Variants in VSTM2L observed in about 807,000 individuals in gnomAD.
VSTM2L encodes the protein V-set and transmembrane domain-containing protein 2-like protein.
Under a neutral mutation model 19.9 loss-of-function variants are expected in VSTM2L, and 9 were observed. That is an observed-to-expected ratio of 0.45 (90% confidence interval 0.27 to 0.79). VSTM2L has a LOEUF of 0.79. VSTM2L is among the 30% of genes least tolerant of loss of function. VSTM2L has a pLI of 0.15. For missense variants in VSTM2L, 286 were observed against 295.5 expected (o/e 0.97, Z 0.24); for synonymous variants, 127 against 133.8 (o/e 0.95, Z 0.35).
intron 3 of VSTM2L, among the ~76,000 whole-genome samples, chr20:37,942,282 G>A (rs535277322): frequency 2.6e-4 from 39 of 152,136 alleles, no homozygotes; most frequent in Non-Finnish European, 5.0e-4. Context: ...AGGAGTTCGG[G>A]ACCAGCCTGG....
rs926491788 is a variant in VSTM2L, at chr20:37,913,150, G to A, written c.121+9679G>A. Among the ~76,000 whole-genome samples, 33 of 152,162 alleles carry A rather than the reference G, an allele frequency of 2.2e-4. 1 individual carries two copies. Among genetic ancestry groups the A allele is most frequent in the African/African-American group, 7.7e-4 (32 of 41,436 alleles). The stretch of plus-strand genomic sequence containing the variant: ...GAGTGAGTGACCAAATGGCAAAGCT[G>A]GAGGGGACACTGACGCTTGTCTACA... On this transcript the variant is annotated intron_variant, in intron 1 of 3. Coordinates refer to ENST00000373461, the MANE Select transcript of VSTM2L (RefSeq NM_080607.3).
At chr20:37,904,595 C>G (rs1397549614) in intron 1 of VSTM2L, among the ~76,000 whole-genome samples, 1 of 152,230 alleles carries the variant, frequency 6.6e-6, no homozygotes, top group Non-Finnish European at 1.5e-5. Context: ...TTCCATGCAG[C>G]CCTTCACTAG....
In VSTM2L at chr20:37,944,264, C is replaced by T; in HGVS notation, c.*11C>T. Reference sequence around the variant, plus strand: ...GCCTGCAGCCTCTAGACTGATGCCCCTGCCCCCGCCCATCCGCCCCCACGC... The same window carrying T: ...GCCTGCAGCCTCTAGACTGATGCCCTTGCCCCCGCCCATCCGCCCCCACGC... On this transcript the variant is annotated 3_prime_UTR_variant, in exon 4 of 4. Transcript: ENST00000373461. 2 of 1,476,164 alleles carry T rather than the reference C, an allele frequency of 1.4e-6. No individual in the cohort carries two copies. Among genetic ancestry groups the T allele is most frequent in the Non-Finnish European group, 1.8e-6 (2 of 1,106,150 alleles). The allele number at this position is 1,476,164 out of a possible 1,614,324, so 91.4% of individuals were successfully genotyped here.
At chr20:37,907,851 C>A (rs1228297709) in intron 1 of VSTM2L, among the ~76,000 whole-genome samples, 1 of 152,176 alleles carries the variant, frequency 6.6e-6, no homozygotes, top group African/African-American at 2.4e-5. Context: ...GGGCACCGGG[C>A]CATTTGGCAA....
At chr20:37,911,612 C>T (rs556196505) in intron 1 of VSTM2L, among the ~76,000 whole-genome samples, 3 of 152,268 alleles carry the variant, frequency 2.0e-5, no homozygotes, top group East Asian at 3.9e-4. Flanking sequence ...TGTGTTGAGG[C>T]GTGGGGGACA....
At position 37,944,599 on chromosome 20, in the gene VSTM2L, C is replaced by T; in HGVS notation, c.*346C>T. On this transcript the variant is annotated 3_prime_UTR_variant, in exon 4 of 4. Coordinates refer to ENST00000373461, the MANE Select transcript of VSTM2L (RefSeq NM_080607.3). ...CAGTGTTTTGCTTTGCTTGCTTGTC[C>T]CCCATCCTGTCCTGAGCCGGGGCCC... is the stretch of plus-strand genomic sequence containing the variant. 9.3e-7 allele frequency: 1 copy of T among 1,080,258 alleles called. No individual in the cohort carries two copies. Among genetic ancestry groups the T allele is most frequent in the Non-Finnish European group, 1.1e-6 (1 of 892,166 alleles). 66.9% of individuals were successfully genotyped at this position (1,080,258 alleles called of 1,614,324 possible). A position where few individuals can be genotyped will look rare whatever the true frequency, so the allele number is the denominator to read the frequency against.
chr20:37,942,132 C>T (rs1198714868), intron 3 of VSTM2L, among the ~76,000 whole-genome samples: 1 of 152,126 alleles, frequency 6.6e-6, no homozygotes, highest in Non-Finnish European at 1.5e-5. Context: ...CGACGGTGAT[C>T]ACATAAACAA....
chr20:37,913,453 A>G (rs1406352332), intron 1 of VSTM2L, among the ~76,000 whole-genome samples: 1 of 152,204 alleles, frequency 6.6e-6, no homozygotes, highest in Non-Finnish European at 1.5e-5. Flanking sequence ...CTCTCCCTGC[A>G]GCCCTCTCAT....
At position 37,931,657 on chromosome 20, in the gene VSTM2L, T is replaced by A. The variant is rs771538876; in HGVS notation, c.144T>A (p.His48Gln). Residue 48 changes from histidine to glutamine, a missense_variant, in exon 2 of 4, where the codon CAT becomes CAA. Transcript: ENST00000373461. ...CAGCCCTGTTCACAGAGACACCCCA[T>A]GACATGACAGCACGGACGGGCGAGG... ...SGHALFTETP[H>Q]DMTARTGEDV... 6.2e-6 allele frequency: 10 copies of A among 1,613,054 alleles called. No individual in the cohort carries two copies. In the African/African-American group the frequency reaches 1.3e-4, roughly 22 times the overall value.
intron 1 of VSTM2L, among the ~76,000 whole-genome samples, chr20:37,929,580 A>G (rs2072897240): frequency 6.6e-6 from 1 of 152,056 alleles, no homozygotes; most frequent in Admixed American, 6.6e-5. Flanking sequence ...GACAGGGATG[A>G]TTTATGTTTT....
chr20:37,909,253 G>C (rs1005347340), intron 1 of VSTM2L, among the ~76,000 whole-genome samples: 1 of 152,228 alleles, frequency 6.6e-6, no homozygotes, highest in East Asian at 1.9e-4. Flanking sequence ...GAAAGCATGG[G>C]GAGAGTGTGT....
chr20:37,916,378 C>G (rs575002565), intron 1 of VSTM2L, among the ~76,000 whole-genome samples: 1 of 152,368 alleles, frequency 6.6e-6, no homozygotes, highest in South Asian at 2.1e-4. Flanking sequence ...TGCTCTCACT[C>G]CTTGTGGCCC....
intron 1 of VSTM2L, among the ~76,000 whole-genome samples, chr20:37,917,677 G>A (rs928538498): frequency 2.0e-5 from 3 of 152,176 alleles, no homozygotes; most frequent in Admixed American, 6.5e-5. Context: ...GCTCCCCCTC[G>A]CCCTAGTGCC....
rs372875162 is a variant in VSTM2L at position 37,926,793 on chromosome 20, C to A, written c.122-4842C>A. Among the ~76,000 whole-genome samples the A allele has an allele frequency of 6.6e-5, 10 of 152,250 alleles. No homozygotes were observed. The South Asian group carries it at 1.0e-3, about 16-fold the overall frequency. ...CCTTGGCTGCCTGGTCTGAGCCATGCGGACATGTGATGGGGGGACCTGAAG... is the reference window on the plus strand; with the variant it reads ...CCTTGGCTGCCTGGTCTGAGCCATGAGGACATGTGATGGGGGGACCTGAAG... On this transcript the variant is annotated intron_variant, in intron 1 of 3. Transcript: ENST00000373461.
Position 37,934,726 on chromosome 20 carries a change from T to C in VSTM2L, c.342+1137T>C, listed in dbSNP as rs965621519. ...TGTGGAGAATGGGCACAGGGAGTCA[T>C]TGGGGTGCCATGTCGGGCATCAGAG... On this transcript the variant is annotated intron_variant, in intron 3 of 3. Coordinates refer to ENST00000373461, the MANE Select transcript of VSTM2L (RefSeq NM_080607.3). Among the ~76,000 whole-genome samples, 5 of 152,006 alleles carry C rather than the reference T, an allele frequency of 3.3e-5. No homozygotes were observed. The East Asian group carries it at 9.7e-4, about 29-fold the overall frequency.
intron 1 of VSTM2L, among the ~76,000 whole-genome samples, chr20:37,926,849 T>G (rs1007924200): frequency 1.3e-5 from 2 of 152,224 alleles, no homozygotes; most frequent in African/African-American, 4.8e-5. Flanking sequence ...CCTGCTAAGA[T>G]GTCAAACACA....
intron 1 of VSTM2L, among the ~76,000 whole-genome samples, chr20:37,914,934 G>A (rs77503510): frequency 0.014 from 2,065 of 152,326 alleles, 43 homozygotes; most frequent in African/African-American, 0.047. Flanking sequence ...AGGTGGGGAA[G>A]GCGGAGAGCT....
intron 1 of VSTM2L, among the ~76,000 whole-genome samples, chr20:37,914,477 TTGTG>T (rs761661248): frequency 1.8e-3 from 13 of 7,118 alleles, no homozygotes; most frequent in Non-Finnish European, 2.8e-3. Flanking sequence ...TGTGTGTATT[TTGTG>T]TGTGTGTATT....
chr20:37,903,516 A>C, intron 1 of VSTM2L, 45 bp downstream of exon 1: 1 of 1,418,770 alleles, frequency 7.0e-7, no homozygotes, highest in Non-Finnish European at 9.2e-7. Flanking sequence ...CCAAACCCCA[A>C]CCCGGGCCGC....
Sources: allele counts gnomAD v4.1 joint callset (sites outside exome capture counted in the v4.1 genomes callset), GRCh38; gene constraint gnomAD v4.1.1; transcripts MANE v1.5; gene names NCBI Gene and HGNC (gene_info 2026-07-23, HGNC 2026-07-21).